GRM7: variants seen among roughly 807,000 people sequenced by gnomAD.
GRM7 encodes metabotropic glutamate receptor 7.
A neutral mutation model predicts 84.5 loss-of-function variants in GRM7; 35 were observed. The observed-to-expected ratio is 0.41, with a 90% CI of 0.32 to 0.55. The LOEUF is 0.55. GRM7 is among the 20% of genes least tolerant of loss of function. GRM7 has a pLI of 0.19. For synonymous variants in GRM7, 487 were observed against 455.1 expected (o/e 1.07, Z -0.89); for missense variants, 1,003 against 1,194.6 (o/e 0.84, Z 2.36).
intron 2 of GRM7, among the ~76,000 whole-genome samples, chr3:7,190,374 A>G (rs1360791910): frequency 6.6e-6 from 1 of 152,024 alleles, no homozygotes; most frequent in Non-Finnish European, 1.5e-5. Context: ...GCCCAAACGG[A>G]TGTTGTCTTA....
chr3:7,381,557 G>T (rs1694592693), intron 4 of GRM7, among the ~76,000 whole-genome samples: 1 of 152,052 alleles, frequency 6.6e-6, no homozygotes, highest in Non-Finnish European at 1.5e-5. Context: ...TGATACATCA[G>T]TTGGTTCTAT....
intron 2 of GRM7, among the ~76,000 whole-genome samples, chr3:7,219,574 T>A (rs981406459): frequency 6.6e-6 from 1 of 152,196 alleles, no homozygotes; most frequent in South Asian, 2.1e-4. Flanking sequence ...TGGTTATGGA[T>A]TGGAATTAGG....
chr3:7,271,580 A>G (rs933987461), intron 2 of GRM7, among the ~76,000 whole-genome samples: 9 of 150,962 alleles, frequency 6.0e-5, no homozygotes, highest in Admixed American at 2.0e-4. Flanking sequence ...AAAAAAAAAA[A>G]AAAAAGAAAT....
chr3:7,445,055 A>G (rs1328481909), intron 5 of GRM7, among the ~76,000 whole-genome samples: 1 of 152,056 alleles, frequency 6.6e-6, no homozygotes, highest in Non-Finnish European at 1.5e-5. Context: ...GCCTTGTGTC[A>G]GTTGTTCTGG....
At chr3:6,864,588 T>C (rs796908695) in intron 1 of GRM7, among the ~76,000 whole-genome samples, 4 of 152,314 alleles carry the variant, frequency 2.6e-5, no homozygotes, top group African/African-American at 7.2e-5. Context: ...CTCCAAATGA[T>C]TGAATTTCTA....
chr3:7,303,234 C>G (rs541561536), intron 3 of GRM7, among the ~76,000 whole-genome samples: 4 of 152,056 alleles, frequency 2.6e-5, no homozygotes, highest in African/African-American at 7.2e-5. Context: ...GCCACCGTGC[C>G]CAGCTGATTA....
intron 2 of GRM7, among the ~76,000 whole-genome samples, chr3:7,156,622 G>C (rs1021982315): frequency 1.3e-5 from 2 of 152,232 alleles, no homozygotes; most frequent in Non-Finnish European, 2.9e-5. Flanking sequence ...GTTTACAGTT[G>C]ACTGTGTACA....
At chr3:6,946,413 G>A (rs563496190) in intron 1 of GRM7, among the ~76,000 whole-genome samples, 3 of 152,056 alleles carry the variant, frequency 2.0e-5, no homozygotes, top group South Asian at 2.1e-4. Flanking sequence ...TGTTCCATTG[G>A]TCTATATCTC....
At chr3:7,586,555 T>A (rs899520144) in intron 8 of GRM7, among the ~76,000 whole-genome samples, 1 of 152,118 alleles carries the variant, frequency 6.6e-6, no homozygotes, top group Admixed American at 6.5e-5. Context: ...CGCCTGTAAT[T>A]CCAGCACTTC....
chr3:6,892,724 G>A (rs1297719842), intron 1 of GRM7: 1 of 152,120 alleles, frequency 6.6e-6, no homozygotes, highest in Non-Finnish European at 1.5e-5. Context: ...GACACCTGAG[G>A]GGTAAACTCT....
At chr3:7,178,682 T>C (rs1695235811) in intron 2 of GRM7, among the ~76,000 whole-genome samples, 1 of 152,182 alleles carries the variant, frequency 6.6e-6, no homozygotes, top group South Asian at 2.1e-4. Context: ...TCAACTGGCC[T>C]AACACAGTTG....
chr3:7,720,282 G>A (rs1459094029), intron 9 of GRM7, among the ~76,000 whole-genome samples: 3 of 151,988 alleles, frequency 2.0e-5, no homozygotes, highest in African/African-American at 4.8e-5. Flanking sequence ...CTTTTTTTGA[G>A]GAATGTAAAA....
rs1397660818 is a variant in GRM7 at position 6,949,834 on chromosome 3, C to T, written c.519+87927C>T. On this transcript the variant is annotated intron_variant, in intron 1 of 9. Transcript: ENST00000357716. Reference sequence around the variant, plus strand: ...TCTTCCATCTCTGATACCCTTTCTTCCCGTTGATCACATCAGTTACTGAGG... The same window carrying T: ...TCTTCCATCTCTGATACCCTTTCTTTCCGTTGATCACATCAGTTACTGAGG... Among the ~76,000 whole-genome samples, 3 of 152,170 alleles carry T rather than the reference C, an allele frequency of 2.0e-5. No individual in the cohort carries two copies. The East Asian group carries it at 5.8e-4, about 29-fold the overall frequency.
chr3:7,637,452 G>A (rs140371889), intron 8 of GRM7, among the ~76,000 whole-genome samples: 160 of 152,272 alleles, frequency 1.1e-3, no homozygotes, highest in African/African-American at 3.6e-3. Context: ...AGGACGGATC[G>A]CAATCCTGAG....
chr3:6,912,774 T>C (rs1174871367), intron 1 of GRM7, among the ~76,000 whole-genome samples: 2 of 152,146 alleles, frequency 1.3e-5, no homozygotes, highest in South Asian at 2.1e-4. Flanking sequence ...AAATAAGTTA[T>C]AAATAGTGAT....
At chr3:7,646,654 AAGAC>A (rs1484962361) in intron 8 of GRM7, among the ~76,000 whole-genome samples, 6 of 152,286 alleles carry the variant, frequency 3.9e-5, no homozygotes, top group East Asian at 1.9e-4. Context: ...TGTCCAAAAA[AAGAC>A]AGCCACAAAC....
intron 7 of GRM7, among the ~76,000 whole-genome samples, chr3:7,511,474 C>CACCG (rs1700208783): frequency 6.6e-6 from 1 of 152,134 alleles, no homozygotes; most frequent in Admixed American, 6.5e-5. Flanking sequence ...ATTGTGACTG[C>CACCG]TTGCCATCAA....
intron 1 of GRM7, among the ~76,000 whole-genome samples, chr3:7,124,467 TTGCGCTCCAACC>T (rs1215194263): frequency 4.6e-5 from 7 of 152,218 alleles, no homozygotes; most frequent in African/African-American, 1.7e-4. Context: ...GATCGCACCA[TTGCGCTCCAACC>T]TGGAGTGATA....
At chr3:7,467,803 A>C (rs1698523823) in intron 7 of GRM7, among the ~76,000 whole-genome samples, 1 of 152,202 alleles carries the variant, frequency 6.6e-6, no homozygotes, top group Non-Finnish European at 1.5e-5. Flanking sequence ...TAGTAATCAA[A>C]AATGGAAAAA....
Sources: gnomAD v4.1 joint callset for allele counts (sites outside exome capture counted in the v4.1 genomes callset) on GRCh38, gnomAD v4.1.1 for gene constraint, MANE v1.5 for transcripts, NCBI Gene and HGNC (gene_info 2026-07-23, HGNC 2026-07-21) for gene names.